Variants in HCK observed in about 807,000 individuals in gnomAD.
The protein encoded by HCK is HCK proto-oncogene, Src family tyrosine kinase, also known as tyrosine-protein kinase HCK.
A neutral mutation model predicts 70.4 loss-of-function variants in HCK; 40 were observed. The ratio of observed to expected loss-of-function variants is 0.57; its 90% CI spans 0.44 to 0.74. The LOEUF (loss-of-function observed/expected upper bound fraction) is 0.74, where lower values mean the gene tolerates loss of function less well. Among genes scored for constraint, HCK ranks in the 30% least tolerant of loss-of-function variants. The pLI, the probability that HCK is intolerant of heterozygous loss-of-function variation, is 0.00. For synonymous variants in HCK, 245 were observed against 263.2 expected (o/e 0.93, Z 0.67); for missense variants, 568 against 697.2 (o/e 0.81, Z 2.09).
chr20:32,073,871 A>G (rs1275132483), intron 4 of HCK, 53 bp downstream of exon 4: 15 of 1,075,380 alleles, frequency 1.4e-5, no homozygotes, highest in Non-Finnish European at 2.1e-5. Flanking sequence ...CTACTCAACT[A>G]TGTGCTCTTT....
chr20:32,092,147 C>T (rs1478922057), intron 10 of HCK, among the ~76,000 whole-genome samples: 1 of 152,124 alleles, frequency 6.6e-6, no homozygotes, highest in African/African-American at 2.4e-5. Context: ...GTCAGACGCC[C>T]TCACTTCCAG....
chr20:32,058,135 G>A (rs1410445734), intron 1 of HCK, among the ~76,000 whole-genome samples: 1 of 152,084 alleles, frequency 6.6e-6, no homozygotes, highest in Non-Finnish European at 1.5e-5. Flanking sequence ...GTACAGTACA[G>A]TAGACGACCC....
intron 6 of HCK, 26 bp downstream of exon 6, chr20:32,079,903 C>G: frequency 6.6e-7 from 1 of 1,520,156 alleles, no homozygotes. Flanking sequence ...CCCACCTTGT[C>G]CTCCCTGCCG....
Position 32,086,784 on chromosome 20 carries a change from T to A in HCK, c.992T>A (p.Ile331Asn). The A allele has an allele frequency of 6.3e-7, 1 of 1,589,270 alleles. No homozygotes were observed. Among genetic ancestry groups the A allele is most frequent in the Non-Finnish European group, 8.6e-7 (1 of 1,167,170 alleles). ...GTGGTCACCAAGGAGCCCATCTACA[T>A]CATCACGGAGTTCATGGCCAAAGGT... Residue 331 changes from isoleucine (I) to asparagine (N), a missense_variant, in exon 9 of 13, where the codon ATC (isoleucine) becomes AAC (asparagine). Around this residue, in one of 4 missense-constraint regions of HCK, gnomAD observed 160 missense variants for 237.5 expected, o/e 0.67. Transcript: ENST00000375852.
At chr20:32,100,073 T>A (rs1318610271) in intron 12 of HCK, among the ~76,000 whole-genome samples, 7 of 152,042 alleles carry the variant, frequency 4.6e-5, no homozygotes, top group Non-Finnish European at 1.0e-4. Flanking sequence ...CTATTTTTTA[T>A]TTTTTTAATT....
chr20:32,078,201 ATTT>A (rs1196535364), intron 5 of HCK, among the ~76,000 whole-genome samples: 1 of 134,636 alleles, frequency 7.4e-6, no homozygotes, highest in African/African-American at 2.8e-5. Context: ...TGCTCGGCTA[ATTT>A]TTTTTTTTTT....
chr20:32,060,156 G>T (rs2045346743), intron 1 of HCK, among the ~76,000 whole-genome samples: 1 of 152,136 alleles, frequency 6.6e-6, no homozygotes, highest in Admixed American at 6.6e-5. Context: ...CCCAGCAGAA[G>T]CGAGCAAATG....
intron 2 of HCK, 81 bp from the exon 3 acceptor site, chr20:32,073,238 G>T (rs1221318709): frequency 8.5e-7 from 1 of 1,175,480 alleles, no homozygotes; most frequent in Non-Finnish European, 1.3e-6. Context: ...GATGCTCTTG[G>T]GTGTCCTTCT....
intron 2 of HCK, 30 bp downstream of exon 2, chr20:32,071,812 G>A (rs777728818): frequency 1.9e-6 from 3 of 1,608,350 alleles, no homozygotes; most frequent in Non-Finnish European, 2.5e-6. Context: ...GTTTCCCTGG[G>A]GGCTGACGGA....
intron 5 of HCK, 121 bp downstream of exon 5, chr20:32,074,842 G>A (rs2045599120): frequency 1.5e-6 from 1 of 673,984 alleles, no homozygotes; most frequent in South Asian, 1.8e-5. Context: ...AGGGCTCTGG[G>A]CTTGGCTGGC....
At chr20:32,052,797 A>ATTT (rs397799329) in intron 1 of HCK, among the ~76,000 whole-genome samples, 2 of 112,512 alleles carry the variant, frequency 1.8e-5, no homozygotes, top group Non-Finnish European at 3.9e-5. Flanking sequence ...GGGGGCGGGG[A>ATTT]TTTTTTTTTT....
chr20:32,064,108 A>G (rs1265743940), intron 1 of HCK, among the ~76,000 whole-genome samples: 1 of 144,382 alleles, frequency 6.9e-6, no homozygotes, highest in African/African-American at 2.6e-5. Context: ...GGTTCAAGCA[A>G]TTCTCCAGCC....
intron 1 of HCK, among the ~76,000 whole-genome samples, chr20:32,052,731 C>G (rs1210023251): frequency 6.7e-6 from 1 of 148,702 alleles, no homozygotes; most frequent in Non-Finnish European, 1.5e-5. Flanking sequence ...CGCTCGGGCC[C>G]GTGCAGTGAC....
chr20:32,079,950 T>A, intron 6 of HCK, 73 bp downstream of exon 6: 2 of 1,123,336 alleles, frequency 1.8e-6, no homozygotes, highest in Non-Finnish European at 2.7e-6. Flanking sequence ...ACCCTTTCCT[T>A]GGAAAATGCC....
intron 1 of HCK, among the ~76,000 whole-genome samples, chr20:32,063,998 T>C (rs2045419095): frequency 9.3e-6 from 1 of 107,056 alleles, no homozygotes; most frequent in African/African-American, 5.0e-5. Flanking sequence ...ACTTCTTTTT[T>C]TTTTTTTTTT....
At chr20:32,069,241 T>A (rs1259741952) in intron 1 of HCK, among the ~76,000 whole-genome samples, 4 of 152,202 alleles carry the variant, frequency 2.6e-5, no homozygotes, top group Non-Finnish European at 5.9e-5. Context: ...GAGATGGCCT[T>A]GGATTGTGAA....
At chr20:32,071,039 C>T (rs963082028) in intron 1 of HCK, among the ~76,000 whole-genome samples, 1 of 151,952 alleles carries the variant, frequency 6.6e-6, no homozygotes, top group Admixed American at 6.6e-5. Context: ...ACCAGTAATA[C>T]GGTGCCTTGA....
At chr20:32,056,884 T>C (rs1036014097) in intron 1 of HCK, among the ~76,000 whole-genome samples, 17 of 152,322 alleles carry the variant, frequency 1.1e-4, no homozygotes, top group Admixed American at 3.9e-4. Context: ...ACCTGGCACC[T>C]GGCACATAGT....
Position 32,052,435 on chromosome 20 carries a change from G to A in HCK, c.11G>A (p.Arg4His). The A allele has an allele frequency of 1.6e-6, 2 of 1,281,832 alleles. No homozygotes were observed. The highest frequency in any genetic ancestry group is 2.7e-5 in the South Asian group (1 of 36,640). 79.4% of individuals were successfully genotyped at this position (1,281,832 alleles called of 1,614,324 possible). A position where few individuals can be genotyped will look rare whatever the true frequency, so the allele number is the denominator to read the frequency against. ...TCAGGGGCTGCCGAGCTGGGGGGGC[G>A]CTCAAGCTGCGAGGATCCGGGCTGC... Residue 4 changes from arginine (R) to histidine (H), a missense_variant, in exon 1 of 13, where the codon CGC (arginine) becomes CAC (histidine). By Grantham distance (29) the Arg-to-His change is conservative. This residue lies in a region of HCK where 318 missense variants were observed against 336.0 expected (regional missense o/e 0.95). Coordinates refer to ENST00000375852, the MANE Select transcript of HCK (RefSeq NM_002110.5).
Sources: gnomAD v4.1 joint callset for allele counts (sites outside exome capture counted in the v4.1 genomes callset) on GRCh38, gnomAD v4.1.1 for gene constraint, gnomAD v4.1.1 regional missense constraint, MANE v1.5 for transcripts, NCBI Gene and HGNC (gene_info 2026-07-23, HGNC 2026-07-21) for gene names.